ANKIB1: variants seen among roughly 807,000 people sequenced by gnomAD.
ANKIB1 encodes the protein ankyrin repeat and IBR domain containing 1, also known as ankyrin repeat and IBR domain-containing protein 1.
ANKIB1 carries 43 observed loss-of-function variants against 122.1 expected under a neutral mutation model. That is an observed-to-expected ratio of 0.35 (90% CI 0.28 to 0.45). The LOEUF (loss-of-function observed/expected upper bound fraction) is 0.45, where lower values mean the gene tolerates loss of function less well. ANKIB1 is among the 20% of genes least tolerant of loss of function. The pLI is 1.00. For missense variants in ANKIB1, 992 were observed against 1,329.5 expected (o/e 0.75, Z 3.95); for synonymous variants, 390 against 442.0 (o/e 0.88, Z 1.48).
intron 1 of ANKIB1, among the ~76,000 whole-genome samples, chr7:92,249,555 C>T (rs1801276865): frequency 6.6e-6 from 1 of 152,052 alleles, no homozygotes; most frequent in Admixed American, 6.5e-5. Context: ...TCTGTCTCTA[C>T]TAAAGATACA....
At chr7:92,325,672 T>C (rs1252268009) in intron 4 of ANKIB1, among the ~76,000 whole-genome samples, 1 of 151,780 alleles carries the variant, frequency 6.6e-6, no homozygotes, top group African/African-American at 2.4e-5. Context: ...GTTTTACCAA[T>C]AGGGAGGGGA....
intron 1 of ANKIB1, among the ~76,000 whole-genome samples, chr7:92,268,868 C>T (rs550090043): frequency 3.9e-5 from 6 of 152,216 alleles, no homozygotes; most frequent in African/African-American, 9.6e-5. Flanking sequence ...CTGTACCTTA[C>T]GTTAAATTTT....
intron 1 of ANKIB1, among the ~76,000 whole-genome samples, chr7:92,272,203 A>G (rs1801810785): frequency 6.6e-6 from 1 of 152,228 alleles, no homozygotes. Context: ...CCTCAATTAA[A>G]AAAACAGAAC....
chr7:92,354,944 G>A (rs1057401712), intron 9 of ANKIB1, among the ~76,000 whole-genome samples: 62 of 152,098 alleles, frequency 4.1e-4, no homozygotes, highest in African/African-American at 1.4e-3. Context: ...AACAACAAAC[G>A]ACAATAATAA....
intron 5 of ANKIB1, among the ~76,000 whole-genome samples, chr7:92,340,640 A>G (rs947310396): frequency 8.5e-5 from 13 of 152,240 alleles, no homozygotes; most frequent in South Asian, 4.1e-4. Context: ...AAGAAGAGAT[A>G]GACATATTAA....
Position 92,323,004 on chromosome 7 carries a change from A to G in ANKIB1, c.669+3492A>G, listed in dbSNP as rs188972738. Among the ~76,000 whole-genome samples, 294 of 152,294 alleles carry G rather than the reference A, an allele frequency of 1.9e-3. 1 individual carries two copies. The highest frequency in any genetic ancestry group is 3.6e-3 in the Non-Finnish European group (243 of 68,008). On this transcript the variant is annotated intron_variant, in intron 4 of 19. Transcript: ENST00000265742. ...TTATAGTGATCCTTAATGAGTTAAT[A>G]TATGTATAAGCTTTGACCAGTGCCT...
At chr7:92,262,188 A>T (rs1266266341) in intron 1 of ANKIB1, among the ~76,000 whole-genome samples, 1 of 152,224 alleles carries the variant, frequency 6.6e-6, no homozygotes, top group Non-Finnish European at 1.5e-5. Context: ...TCCTAAATGT[A>T]ACTGTTATAT....
chr7:92,297,804 ACT>A (rs1802386591), intron 2 of ANKIB1, among the ~76,000 whole-genome samples: 1 of 151,846 alleles, frequency 6.6e-6, no homozygotes, highest in Admixed American at 6.6e-5. Flanking sequence ...GGCTTCCAAA[ACT>A]CTCTTTACTT....
At chr7:92,304,063 C>CAT (rs1175309907) in intron 2 of ANKIB1, among the ~76,000 whole-genome samples, 1 of 150,900 alleles carries the variant, frequency 6.6e-6, no homozygotes, top group Non-Finnish European at 1.5e-5. Flanking sequence ...ACTTCATATG[C>CAT]AAGTAGTTAA....
intron 4 of ANKIB1, among the ~76,000 whole-genome samples, chr7:92,324,762 A>T (rs185271037): frequency 2.8e-4 from 42 of 152,310 alleles, no homozygotes; most frequent in African/African-American, 9.4e-4. Flanking sequence ...GACAGTGTAT[A>T]TTTCTATAAC....
rs1439621011 is a variant in ANKIB1, at chr7:92,387,899, A to G, written c.1839+15A>G. ...ATAGTTATCAGGTATGTCCCAAATC[A>G]TTTCAAATGAGCTGACCTATACTGT... On this transcript the variant is annotated intron_variant, in intron 13 of 19. Coordinates refer to ENST00000265742, the MANE Select transcript of ANKIB1 (RefSeq NM_019004.2). 11 of 1,610,562 alleles carry G rather than the reference A, an allele frequency of 6.8e-6. No homozygotes were observed. The highest frequency in any genetic ancestry group is 1.1e-5 in the South Asian group (1 of 90,730).
intron 1 of ANKIB1, among the ~76,000 whole-genome samples, chr7:92,254,391 T>A (rs938996100): frequency 9.9e-5 from 15 of 152,240 alleles, no homozygotes; most frequent in Non-Finnish European, 2.9e-5. Context: ...ATATACCAAT[T>A]TAATTTTAAT....
intron 1 of ANKIB1, among the ~76,000 whole-genome samples, chr7:92,257,893 A>T (rs1801482442): frequency 6.6e-6 from 1 of 152,308 alleles, no homozygotes; most frequent in South Asian, 2.1e-4. Context: ...CCTTGTAAAG[A>T]TGGCTAATTT....
intron 11 of ANKIB1, among the ~76,000 whole-genome samples, chr7:92,385,373 A>T (rs1354758601): frequency 6.6e-6 from 1 of 152,240 alleles, no homozygotes; most frequent in East Asian, 1.9e-4. Flanking sequence ...CAGCGATCCC[A>T]TTACTGGGTA....
intron 3 of ANKIB1, among the ~76,000 whole-genome samples, chr7:92,310,303 C>A (rs1802665162): frequency 6.6e-6 from 1 of 151,974 alleles, no homozygotes; most frequent in African/African-American, 2.4e-5. Context: ...CTTTGACTTA[C>A]TATTAAATAT....
At chr7:92,375,893 T>C (rs1259421244) in intron 11 of ANKIB1, among the ~76,000 whole-genome samples, 1 of 152,254 alleles carries the variant, frequency 6.6e-6, no homozygotes, top group African/African-American at 2.4e-5. Context: ...ATCCATAGGC[T>C]GCAGAACGGA....
At chr7:92,309,942 A>AAAAAAAAAATATATATATATAT (rs1335765681) in intron 3 of ANKIB1, among the ~76,000 whole-genome samples, 10 of 91,756 alleles carry the variant, frequency 1.1e-4, no homozygotes, top group African/African-American at 4.8e-4. Context: ...AAAAAAAAAA[A>AAAAAAAAAATATATATATATAT]ATATATATAT....
At chr7:92,338,020 T>C (rs1001815113) in intron 5 of ANKIB1, among the ~76,000 whole-genome samples, 1 of 151,978 alleles carries the variant, frequency 6.6e-6, no homozygotes, top group Non-Finnish European at 1.5e-5. Context: ...AAAATAACAA[T>C]GAGAAATGGA....
intron 7 of ANKIB1, among the ~76,000 whole-genome samples, chr7:92,346,974 G>A (rs992823307): frequency 6.6e-6 from 1 of 152,130 alleles, no homozygotes; most frequent in African/African-American, 2.4e-5. Context: ...GTCAAATCAA[G>A]CACCAATAAA....
Sources: allele counts gnomAD v4.1 joint callset (sites outside exome capture counted in the v4.1 genomes callset), GRCh38; gene constraint gnomAD v4.1.1; transcripts MANE v1.5; gene names NCBI Gene and HGNC (gene_info 2026-07-23, HGNC 2026-07-21).